Variants in KIAA1549 observed in about 807,000 individuals in gnomAD.
KIAA1549 encodes KIAA1549, also known as UPF0606 protein KIAA1549.
KIAA1549 carries 70 observed loss-of-function variants against 156.4 expected under a neutral mutation model. The ratio of observed to expected loss-of-function variants is 0.45; its 90% CI spans 0.37 to 0.55. The LOEUF is 0.55. Among genes scored for constraint, KIAA1549 ranks in the 20% least tolerant of loss-of-function variants. The pLI is 0.00. For synonymous variants in KIAA1549, 1,103 were observed against 1,066.4 expected (o/e 1.03, Z -0.67); for missense variants, 2,428 against 2,540.9 (o/e 0.96, Z 0.96).
intron 1 of KIAA1549, among the ~76,000 whole-genome samples, chr7:138,943,248 C>T (rs1813236762): frequency 6.6e-6 from 1 of 152,142 alleles, no homozygotes; most frequent in Non-Finnish European, 1.5e-5. Flanking sequence ...ATGGTGAAGG[C>T]GCCGTTCTCA....
At chr7:138,900,062 C>A (rs1811798350) in intron 8 of KIAA1549, among the ~76,000 whole-genome samples, 1 of 152,200 alleles carries the variant, frequency 6.6e-6, no homozygotes, top group Non-Finnish European at 1.5e-5. Flanking sequence ...ATTTAAATTG[C>A]TGGTCTCTAC....
chr7:138,979,202 T>C (rs957829032), intron 1 of KIAA1549, among the ~76,000 whole-genome samples: 3 of 152,240 alleles, frequency 2.0e-5, no homozygotes, highest in Admixed American at 2.0e-4. Context: ...GGAAATATTA[T>C]TAATTTCATG....
At chr7:138,976,989 T>C (rs1183295769) in intron 1 of KIAA1549, among the ~76,000 whole-genome samples, 1 of 152,236 alleles carries the variant, frequency 6.6e-6, no homozygotes, top group East Asian at 1.9e-4. Context: ...AGTATTTGTT[T>C]ATAATATCCT....
At chr7:138,881,302 T>A (rs1373963162) in intron 11 of KIAA1549, 86 bp downstream of exon 11, 2 of 1,334,454 alleles carry the variant, frequency 1.5e-6, no homozygotes, top group Non-Finnish European at 2.1e-6. Flanking sequence ...GCGCTCACCA[T>A]CAGCCCCTGT....
intron 1 of KIAA1549, among the ~76,000 whole-genome samples, chr7:138,935,061 T>C (rs1471970429): frequency 1.1e-4 from 16 of 152,174 alleles, no homozygotes; most frequent in Non-Finnish European, 8.8e-5. Context: ...CCCCTTCCAT[T>C]TCCTCCTCTA....
intron 15 of KIAA1549, among the ~76,000 whole-genome samples, chr7:138,862,566 T>C (rs1470128288): frequency 6.7e-6 from 1 of 149,644 alleles, no homozygotes; most frequent in Non-Finnish European, 1.5e-5. Context: ...AATTACAATA[T>C]CTATTTTATG....
chr7:138,851,873 C>T (rs1251137934), intron 17 of KIAA1549, among the ~76,000 whole-genome samples: 1 of 152,174 alleles, frequency 6.6e-6, no homozygotes, highest in Non-Finnish European at 1.5e-5. Flanking sequence ...CGCAGGTGTC[C>T]CTGGGGAAAA....
At chr7:138,924,875 T>G (rs926105622) in intron 1 of KIAA1549, among the ~76,000 whole-genome samples, 1 of 152,146 alleles carries the variant, frequency 6.6e-6, no homozygotes, top group East Asian at 1.9e-4. Context: ...GGTTCTCTCT[T>G]GGATGACAGA....
At chr7:138,852,035 C>G (rs1423483957) in intron 17 of KIAA1549, among the ~76,000 whole-genome samples, 188 bp downstream of exon 17, 1 of 152,208 alleles carries the variant, frequency 6.6e-6, no homozygotes, top group African/African-American at 2.4e-5. Flanking sequence ...TCCAAATTAC[C>G]TAGCCTGTCA....
Position 138,836,255 on chromosome 7 carries a change from A to G in KIAA1549, c.*1651T>C, listed in dbSNP as rs1430259006. ...AAGATTATAAAATTGTATTTTTACCATACCTTTTCTATGTTTAGCTATGTT... is the reference window on the plus strand; with the variant it reads ...AAGATTATAAAATTGTATTTTTACCGTACCTTTTCTATGTTTAGCTATGTT... On this transcript the variant is annotated 3_prime_UTR_variant, in exon 20 of 20. Transcript: ENST00000422774. The G allele has an allele frequency of 9.8e-6, 2 of 203,730 alleles. No homozygotes were observed. Among genetic ancestry groups the G allele is most frequent in the African/African-American group, 4.6e-5 (2 of 43,694 alleles). 12.6% of individuals were successfully genotyped at this position (203,730 alleles called of 1,614,324 possible). A position where few individuals can be genotyped will look rare whatever the true frequency, so the allele number is the denominator to read the frequency against.
In KIAA1549 at chr7:138,976,813, C is replaced by T. The variant is rs115779842; in HGVS notation, c.187+4270G>A. 3.9e-3 allele frequency among the ~76,000 whole-genome samples: 589 copies of T among 152,308 alleles called. 4 individuals carry two copies. Among genetic ancestry groups the T allele is most frequent in the African/African-American group, 0.014 (567 of 41,572 alleles). On this transcript the variant is annotated intron_variant, in intron 1 of 19. Transcript: ENST00000422774. ...TGGTTCCAATGCTCAGGGGCTAAAA[C>T]GGAGCTGTCAACTTGTTAAAATGAA...
chr7:138,902,858 G>A (rs1289570135), intron 8 of KIAA1549, among the ~76,000 whole-genome samples: 12 of 152,004 alleles, frequency 7.9e-5, no homozygotes, highest in Admixed American at 7.9e-4. Context: ...GGCTACAAAA[G>A]GATGTATGCA....
chr7:138,899,214 G>A (rs1436339888), intron 8 of KIAA1549, 82 bp from the exon 9 acceptor site: 2 of 1,262,990 alleles, frequency 1.6e-6, no homozygotes, highest in East Asian at 2.3e-5. Flanking sequence ...TCCTGGCTGT[G>A]TCACTCAGGA....
At chr7:138,852,292 T>A (rs1810258532) in intron 16 of KIAA1549, 23 bp from the exon 17 acceptor site, 1 of 1,547,704 alleles carries the variant, frequency 6.5e-7, no homozygotes, top group African/African-American at 1.4e-5. Flanking sequence ...CAAAAGAACA[T>A]GAAGATTAAT....
chr7:138,942,776 G>A (rs1270445581), intron 1 of KIAA1549, among the ~76,000 whole-genome samples: 1 of 152,116 alleles, frequency 6.6e-6, no homozygotes, highest in African/African-American at 2.4e-5. Flanking sequence ...CAGGCATGGT[G>A]GCGGGCACCT....
chr7:138,887,441 A>G (rs1021700753), intron 10 of KIAA1549, among the ~76,000 whole-genome samples: 1 of 152,136 alleles, frequency 6.6e-6, no homozygotes, highest in Non-Finnish European at 1.5e-5. Flanking sequence ...GCAGACACAC[A>G]GTTTTCTAGG....
At chr7:138,891,840 G>A (rs190483881) in intron 10 of KIAA1549, among the ~76,000 whole-genome samples, 27 of 152,300 alleles carry the variant, frequency 1.8e-4, no homozygotes, top group Non-Finnish European at 3.8e-4. Context: ...ATTACCCTGA[G>A]GACGAGGCTA....
At chr7:138,960,289 TTATTG>T (rs1224465677) in intron 1 of KIAA1549, among the ~76,000 whole-genome samples, 2 of 85,012 alleles carry the variant, frequency 2.4e-5, no homozygotes, top group Non-Finnish European at 4.8e-5. Context: ...AAATTTTATT[TTATTG>T]ATTTATTGAT....
Position 138,894,370 on chromosome 7 carries a change from G to A in KIAA1549, c.4004C>T (p.Thr1335Ile), listed in dbSNP as rs1342225880. The change falls in exon 10 of 20, where the codon ACT (threonine) becomes ATT (isoleucine). Residue 1335 changes from threonine (T) to isoleucine (I), a missense_variant. Physicochemically the swap from Thr to Ile is moderately conservative, Grantham distance 89. Around this residue, in one of 5 missense-constraint regions of KIAA1549, gnomAD observed 762 missense variants for 901.6 expected, o/e 0.85. Coordinates refer to ENST00000422774, the MANE Select transcript of KIAA1549 (RefSeq NM_001164665.2). Reference protein sequence around the residue: ...RTDKLDFQPDTVANIQQRQKL... With the variant: ...RTDKLDFQPDIVANIQQRQKL... ...CTGACGCTGCTGAATGTTGGCCACA[G>A]TGTCAGGCTGAAAGTCTAGCTTGTC... 1 of 1,614,000 alleles carries A rather than the reference G, an allele frequency of 6.2e-7. No homozygotes were observed.
Sources: gnomAD v4.1 joint callset for allele counts (sites outside exome capture counted in the v4.1 genomes callset) on GRCh38, gnomAD v4.1.1 for gene constraint, gnomAD v4.1.1 regional missense constraint, MANE v1.5 for transcripts, NCBI Gene and HGNC (gene_info 2026-07-23, HGNC 2026-07-21) for gene names.